HNRNPD: variants seen among roughly 807,000 people sequenced by gnomAD.
HNRNPD encodes heterogeneous nuclear ribonucleoprotein D0.
A neutral mutation model predicts 47.9 loss-of-function variants in HNRNPD; 3 were observed. The observed-to-expected ratio is 0.06, with a 90% confidence interval of 0.03 to 0.16. The LOEUF is 0.16. HNRNPD is among the 10% of genes least tolerant of loss of function. The pLI, the probability that HNRNPD is intolerant of heterozygous loss-of-function variation, is 1.00. For missense variants in HNRNPD, 287 were observed against 454.2 expected, an observed-to-expected ratio of 0.63 and a Z score of 3.35; for synonymous variants, 171 against 165.1, an observed-to-expected ratio of 1.04 and a Z score of -0.28.
intron 2 of HNRNPD, among the ~76,000 whole-genome samples, chr4:82,362,007 T>A (rs1309269279): frequency 6.6e-6 from 1 of 152,198 alleles, no homozygotes; most frequent in Non-Finnish European, 1.5e-5. Flanking sequence ...CCACCTCCCT[T>A]AAAGCACCGC....
rs1258176331 is a variant in HNRNPD at position 82,353,626 on chromosome 4, A to C, written c.*559T>G. 1 of 152,662 alleles carries C rather than the reference A, an allele frequency of 6.6e-6. No homozygotes were observed. The highest frequency in any genetic ancestry group is 1.5e-5 in the Non-Finnish European group (1 of 68,038). 9.5% of individuals were successfully genotyped at this position (152,662 alleles called of 1,614,324 possible). On this transcript the variant is annotated 3_prime_UTR_variant, in exon 9 of 9. Coordinates refer to ENST00000313899, the MANE Select transcript of HNRNPD (RefSeq NM_031370.3). ...AGGAAGTATTATTAAAACAACCAACAAACAAATTGACATTAAGTCATTCCC... is the reference window on the plus strand; with the variant it reads ...AGGAAGTATTATTAAAACAACCAACCAACAAATTGACATTAAGTCATTCCC...
Position 82,353,300 on chromosome 4 carries a change from T to C in HNRNPD, c.*885A>G, listed in dbSNP as rs1723578273. The C allele has an allele frequency of 6.6e-6, 1 of 152,110 alleles. No individual in the cohort carries two copies. Among genetic ancestry groups the C allele is most frequent in the African/African-American group, 2.4e-5 (1 of 41,438 alleles). The allele number at this position is 152,110 out of a possible 1,614,324, so 9.4% of individuals were successfully genotyped here. On this transcript the variant is annotated 3_prime_UTR_variant, in exon 9 of 9. Coordinates refer to ENST00000313899, the MANE Select transcript of HNRNPD (RefSeq NM_031370.3). Reference sequence around the variant, plus strand: ...AACCTTTGAGAAATGGAAAATAAAATCATTCAAACAAATAAGCACACACAC... The same window carrying C: ...AACCTTTGAGAAATGGAAAATAAAACCATTCAAACAAATAAGCACACACAC...
chr4:82,371,433 C>A (rs1720043179), intron 2 of HNRNPD, 95 bp downstream of exon 2: 1 of 929,550 alleles, frequency 1.1e-6, no homozygotes, highest in Non-Finnish European at 1.7e-6. Flanking sequence ...TCTAGAATTT[C>A]CTGGGGATCA....
chr4:82,356,584 T>C lies in HNRNPD; in HGVS notation c.953A>G (p.Tyr318Cys). Residue 318 changes from tyrosine to cysteine, a missense_variant, in exon 7 of 9, where the codon TAT (tyrosine) becomes TGT (cysteine). By Grantham distance (194) the Tyr-to-Cys change is radical. Coordinates refer to ENST00000313899, the MANE Select transcript of HNRNPD (RefSeq NM_031370.3). ...GTAGTTGTTGTAACCAGTGTAGTCATATCCTCCATAACCACCGTAACCTTG... is the reference window on the plus strand; with the variant it reads ...GTAGTTGTTGTAACCAGTGTAGTCACATCCTCCATAACCACCGTAACCTTG... ...NSQGYGGYGGYDYTGYNNYYG... is the reference protein window; with the variant it reads ...NSQGYGGYGGCDYTGYNNYYG... 6.2e-7 allele frequency: 1 copy of C among 1,611,390 alleles called. No individual in the cohort carries two copies. Among genetic ancestry groups the C allele is most frequent in the Non-Finnish European group, 8.5e-7 (1 of 1,179,190 alleles).
chr4:82,368,247 A>G (rs1043139522), intron 2 of HNRNPD, among the ~76,000 whole-genome samples: 2 of 152,176 alleles, frequency 1.3e-5, no homozygotes, highest in African/African-American at 2.4e-5. Flanking sequence ...TAAATAGTAT[A>G]CTCAATATGT....
chr4:82,365,434 C>T (rs1357743162), intron 2 of HNRNPD, among the ~76,000 whole-genome samples: 2 of 151,908 alleles, frequency 1.3e-5, no homozygotes, highest in Non-Finnish European at 2.9e-5. Flanking sequence ...CAAACTAAAG[C>T]TAAGTCACTA....
chr4:82,357,237 T>C (rs1323752493), intron 5 of HNRNPD, 76 bp downstream of exon 5: 2 of 1,470,896 alleles, frequency 1.4e-6, no homozygotes, highest in Admixed American at 2.4e-5. Context: ...AACTTAAGCC[T>C]TTACAGAGAA....
chr4:82,373,702 C>T lies in HNRNPD; in HGVS notation c.-24G>A, dbSNP rs1282914231. On this transcript the variant is annotated 5_prime_UTR_variant, in exon 1 of 9. Coordinates refer to ENST00000313899, the MANE Select transcript of HNRNPD (RefSeq NM_031370.3). ...ATAGTGCTAGTGTCTCCGCCGCTGC[C>T]GCCGAGACTACACCCGCCGCTGCCG... 6.6e-7 allele frequency: 1 copy of T among 1,513,930 alleles called. No homozygotes were observed. The highest frequency in any genetic ancestry group is 8.8e-7 in the Non-Finnish European group (1 of 1,137,918). The allele number at this position is 1,513,930 out of a possible 1,614,324, so 93.8% of individuals were successfully genotyped here.
intron 2 of HNRNPD, among the ~76,000 whole-genome samples, chr4:82,362,483 TAA>T (rs33923598): frequency 6.8e-6 from 1 of 148,024 alleles, no homozygotes; most frequent in Non-Finnish European, 1.5e-5. Flanking sequence ...GCTTAGGCTT[TAA>T]AAAAAAAAAA....
chr4:82,355,262 T>A, intron 8 of HNRNPD, 42 bp downstream of exon 8: 2 of 1,050,534 alleles, frequency 1.9e-6, no homozygotes, highest in Non-Finnish European at 2.9e-6. Context: ...TTATAAAAAC[T>A]ACTATTGTAA....
chr4:82,354,328 A>T (rs1723628580), intron 8 of HNRNPD, 174 bp from the exon 9 acceptor site: 1 of 152,362 alleles, frequency 6.6e-6, no homozygotes, highest in Non-Finnish European at 1.5e-5. Flanking sequence ...TGAGCTGTAA[A>T]TCCACATGTG....
chr4:82,364,706 T>C (rs1458749882), intron 2 of HNRNPD, among the ~76,000 whole-genome samples: 2 of 152,246 alleles, frequency 1.3e-5, no homozygotes, highest in East Asian at 3.8e-4. Context: ...TAAGACCCTT[T>C]AAATGTAGCT....
chr4:82,369,609 T>C (rs912882744), intron 2 of HNRNPD, among the ~76,000 whole-genome samples: 1 of 151,328 alleles, frequency 6.6e-6, no homozygotes, highest in Non-Finnish European at 1.5e-5. Flanking sequence ...ATATTGAGAC[T>C]ATAAAACTGT....
chr4:82,373,260 G>A (rs965731918), intron 1 of HNRNPD, 186 bp downstream of exon 1: 2 of 811,162 alleles, frequency 2.5e-6, no homozygotes, highest in East Asian at 2.7e-5. Flanking sequence ...GGGGCGATAA[G>A]CAGGCAAAGG....
At chr4:82,364,217 T>A (rs1267336526) in intron 2 of HNRNPD, among the ~76,000 whole-genome samples, 5 of 152,180 alleles carry the variant, frequency 3.3e-5, no homozygotes, top group Non-Finnish European at 7.3e-5. Context: ...GCTGCCCACC[T>A]CAGCCTCCCA....
rs532985952 is a variant in HNRNPD, at chr4:82,352,567, C to T, written c.*1618G>A. On this transcript the variant is annotated 3_prime_UTR_variant, in exon 9 of 9. Coordinates refer to ENST00000313899, the MANE Select transcript of HNRNPD (RefSeq NM_031370.3). ...CATATGATACCAAAAAGAACCCTAG[C>T]TTAACAACCCTAACACAAAAAATTT... is the stretch of plus-strand genomic sequence containing the variant. 142 of 152,268 alleles carry T rather than the reference C, an allele frequency of 9.3e-4. 1 individual carries two copies. Among genetic ancestry groups the T allele is most frequent in the African/African-American group, 3.2e-3 (134 of 41,536 alleles). 9.4% of individuals were successfully genotyped at this position (152,268 alleles called of 1,614,324 possible).
At chr4:82,355,230 A>T in intron 8 of HNRNPD, 74 bp downstream of exon 8, 1 of 820,018 alleles carries the variant, frequency 1.2e-6, no homozygotes, top group Non-Finnish European at 2.0e-6. Flanking sequence ...TAAATTAAGC[A>T]TTGTTTTATG....
chr4:82,370,117 G>A (rs1719964770), intron 2 of HNRNPD, among the ~76,000 whole-genome samples: 1 of 152,096 alleles, frequency 6.6e-6, no homozygotes, highest in Non-Finnish European at 1.5e-5. Flanking sequence ...ACTCCAGCCT[G>A]GGCAACAAAA....
At position 82,356,857 on chromosome 4, in the gene HNRNPD, C is replaced by T. The variant is rs1376790052; in HGVS notation, c.792G>A (p.Gln264=). The change falls in exon 6 of 9, where the codon CAG becomes CAA. Residue 264 remains glutamine, a synonymous_variant. Coordinates refer to ENST00000313899, the MANE Select transcript of HNRNPD (RefSeq NM_031370.3). ...IKVAMSKEQY[Q]QQQQWGSRGG... is the part of the protein sequence containing the mutation. ...CTCTAGATCCCCACTGTTGCTGTTG[C>T]TGATATTGTTCCTTCGACATGGCTA... The T allele has an allele frequency of 1.2e-6, 2 of 1,614,090 alleles. No homozygotes were observed. Among genetic ancestry groups the T allele is most frequent in the South Asian group, 2.2e-5 (2 of 91,080 alleles).
Sources: allele counts gnomAD v4.1 joint callset (sites outside exome capture counted in the v4.1 genomes callset), GRCh38; gene constraint gnomAD v4.1.1; transcripts MANE v1.5; gene names NCBI Gene and HGNC (gene_info 2026-07-23, HGNC 2026-07-21).